Variants in KCNK18 observed in about 807,000 individuals in gnomAD.
KCNK18 encodes potassium two pore domain channel subfamily K member 18, also known as potassium channel subfamily K member 18.
In KCNK18, 8 loss-of-function variants were observed where a neutral mutation model predicts 11.8. The observed-to-expected ratio is 0.68, with a 90% CI of 0.40 to 1.22. KCNK18 has a LOEUF of 1.22. Among genes scored for constraint, KCNK18 ranks in the 50% most tolerant of loss-of-function variants. The pLI, the probability that KCNK18 is intolerant of heterozygous loss-of-function variation, is 0.01. For missense variants in KCNK18, 442 were observed against 465.4 expected (o/e 0.95, Z 0.46); for synonymous variants, 208 against 185.8 (o/e 1.12, Z -0.97).
Position 117,210,207 on chromosome 10 carries a change from T to C in KCNK18, c.1063T>C (p.Phe355Leu). ...IVGMEIVFIA[F>L]KLVQNRLIDI... ...TGGAATGGAGATTGTGTTCATTGCT[T>C]TCAAGTTGGTGCAAAACAGGCTGAT... Residue 355 changes from phenylalanine (F) to leucine (L), a missense_variant, in exon 3 of 3, where the codon TTC becomes CTC. Physicochemically the swap from Phe to Leu is conservative, Grantham distance 22. Transcript: ENST00000334549. 1 of 1,614,198 alleles carries C rather than the reference T, an allele frequency of 6.2e-7. No individual in the cohort carries two copies. Among genetic ancestry groups the C allele is most frequent in the Non-Finnish European group, 8.5e-7 (1 of 1,180,008 alleles).
intron 1 of KCNK18, among the ~76,000 whole-genome samples, chr10:117,200,682 C>T (rs192871558): frequency 9.2e-5 from 14 of 152,082 alleles, no homozygotes; most frequent in East Asian, 3.9e-4. Context: ...TGTGGTAGTA[C>T]GCCCCTGTAG....
chr10:117,198,753 G>A (rs116615751), intron 1 of KCNK18, among the ~76,000 whole-genome samples: 77 of 152,282 alleles, frequency 5.1e-4, no homozygotes, highest in African/African-American at 1.8e-3. Flanking sequence ...GAGACAAGAG[G>A]CCAGTCCAGG....
In KCNK18 at chr10:117,201,386, T is replaced by C. The variant is rs112202574; in HGVS notation, c.352+99T>C. ...AATTGGGGTGTGGAGATGGCCCTCCTCTCCCTCTCTTCTTCCCTCCCTTCC... is the reference window on the plus strand; with the variant it reads ...AATTGGGGTGTGGAGATGGCCCTCCCCTCCCTCTCTTCTTCCCTCCCTTCC... On this transcript the variant is annotated intron_variant, in intron 2 of 2. Transcript: ENST00000334549. 5.1e-5 allele frequency: 63 copies of C among 1,241,728 alleles called. No individual in the cohort carries two copies. The African/African-American group carries it at 8.0e-4, about 16-fold the overall frequency. 76.9% of individuals were successfully genotyped at this position (1,241,728 alleles called of 1,614,324 possible).
chr10:117,208,447 A>T (rs533577771), intron 2 of KCNK18, among the ~76,000 whole-genome samples: 9 of 152,092 alleles, frequency 5.9e-5, no homozygotes, highest in East Asian at 3.9e-4. Context: ...TCTTACAGAT[A>T]AAAAAAACCT....
At chr10:117,203,689 G>A (rs925554568) in intron 2 of KCNK18, among the ~76,000 whole-genome samples, 2 of 152,198 alleles carry the variant, frequency 1.3e-5, no homozygotes, top group African/African-American at 4.8e-5. Flanking sequence ...ACAGGCACAT[G>A]CCATGCATGG....
chr10:117,204,966 T>TA (rs1186932288), intron 2 of KCNK18, among the ~76,000 whole-genome samples: 1 of 152,220 alleles, frequency 6.6e-6, no homozygotes, highest in Non-Finnish European at 1.5e-5. Context: ...ACGAGTCAAT[T>TA]AGGACATCAT....
intron 2 of KCNK18, among the ~76,000 whole-genome samples, chr10:117,203,657 G>A (rs1432112883): frequency 4.6e-5 from 7 of 152,250 alleles, no homozygotes; most frequent in South Asian, 4.1e-4. Flanking sequence ...TTCCTGTCTC[G>A]GTCTCCCGAG....
At chr10:117,203,119 T>G (rs892104859) in intron 2 of KCNK18, among the ~76,000 whole-genome samples, 2 of 151,960 alleles carry the variant, frequency 1.3e-5, no homozygotes, top group Non-Finnish European at 2.9e-5. Flanking sequence ...TCAGGTGATC[T>G]GCCCATCTCG....
chr10:117,202,994 A>G (rs1412333128), intron 2 of KCNK18, among the ~76,000 whole-genome samples: 1 of 142,062 alleles, frequency 7.0e-6, no homozygotes, highest in African/African-American at 2.6e-5. Flanking sequence ...CTTGTGTCTC[A>G]GTCCCCAAGT....
At chr10:117,201,075 G>C (rs189066933) in intron 1 of KCNK18, 84 bp from the exon 2 acceptor site, 7 of 1,547,618 alleles carry the variant, frequency 4.5e-6, no homozygotes, top group Non-Finnish European at 6.2e-6. Flanking sequence ...TGGTCCTTGG[G>C]GAAGACTATC....
chr10:117,201,293 T>C lies in KCNK18; in HGVS notation c.352+6T>C. 1 of 1,612,696 alleles carries C rather than the reference T, an allele frequency of 6.2e-7. No individual in the cohort carries two copies. Among genetic ancestry groups the C allele is most frequent in the Admixed American group, 1.7e-5 (1 of 60,010 alleles). On this transcript the variant is annotated splice_donor_region_variant and intron_variant, in intron 2 of 2. Coordinates refer to ENST00000334549, the MANE Select transcript of KCNK18 (RefSeq NM_181840.1). Reference sequence around the variant, plus strand: ...CACGGTGTTCAGCACCGTGGGTAAGTGCAAAGCCACAGTCCCCCTCACGGT... The same window carrying C: ...CACGGTGTTCAGCACCGTGGGTAAGCGCAAAGCCACAGTCCCCCTCACGGT...
intron 1 of KCNK18, among the ~76,000 whole-genome samples, chr10:117,199,189 G>A (rs532416070): frequency 2.6e-5 from 4 of 152,248 alleles, no homozygotes; most frequent in East Asian, 1.9e-4. Flanking sequence ...ATGAGGTGGC[G>A]TGCACTTGTA....
At chr10:117,204,312 A>G (rs550869678) in intron 2 of KCNK18, among the ~76,000 whole-genome samples, 28 of 151,772 alleles carry the variant, frequency 1.8e-4, no homozygotes, top group African/African-American at 6.3e-4. Context: ...CCTCAGATGC[A>G]TCTGAGGCAG....
chr10:117,197,839 A>G, intron 1 of KCNK18, 128 bp downstream of exon 1: 1 of 760,548 alleles, frequency 1.3e-6, no homozygotes, highest in Non-Finnish European at 2.3e-6. Flanking sequence ...ATGCCTGGGC[A>G]CTTTAAGCGA....
chr10:117,201,529 A>G (rs1402022647), intron 2 of KCNK18, among the ~76,000 whole-genome samples: 1 of 152,182 alleles, frequency 6.6e-6, no homozygotes, highest in African/African-American at 2.4e-5. Flanking sequence ...TCTAATCCTC[A>G]CCAAGAGGTG....
intron 2 of KCNK18, among the ~76,000 whole-genome samples, chr10:117,201,923 G>C (rs564109024): frequency 1.3e-5 from 2 of 152,216 alleles, no homozygotes. Flanking sequence ...CTTCCCTTCT[G>C]GTGGGGCAGC....
intron 2 of KCNK18, among the ~76,000 whole-genome samples, chr10:117,205,392 C>G (rs573164017): frequency 6.6e-6 from 1 of 152,324 alleles, no homozygotes; most frequent in Non-Finnish European, 1.5e-5. Flanking sequence ...TAAACTTTTT[C>G]AGGAATGTGA....
chr10:117,202,377 C>A (rs1466884016), intron 2 of KCNK18, among the ~76,000 whole-genome samples: 1 of 152,230 alleles, frequency 6.6e-6, no homozygotes, highest in African/African-American at 2.4e-5. Context: ...AAACCCAACT[C>A]GCCTGGCTTA....
chr10:117,199,765 G>A (rs1617136), intron 1 of KCNK18, among the ~76,000 whole-genome samples: 44,431 of 152,098 alleles, frequency 0.29, 8,116 homozygotes, highest in Non-Finnish European at 0.4. Context: ...GTCTAGAATC[G>A]ATGTGTGTAG....
Sources: allele counts gnomAD v4.1 joint callset (sites outside exome capture counted in the v4.1 genomes callset), GRCh38; gene constraint gnomAD v4.1.1; transcripts MANE v1.5; gene names NCBI Gene and HGNC (gene_info 2026-07-23, HGNC 2026-07-21).